STARD13: variants seen among roughly 807,000 people sequenced by gnomAD.
STARD13 encodes stAR-related lipid transfer protein 13.
STARD13 carries 62 observed loss-of-function variants against 106.4 expected under a neutral mutation model. The observed-to-expected ratio is 0.58, with a 90% CI of 0.48 to 0.72. The LOEUF is 0.72. STARD13 is among the 30% of genes least tolerant of loss of function. STARD13 has a pLI of 0.00. For synonymous variants in STARD13, 565 were observed against 553.0 expected (o/e 1.02, Z -0.31); for missense variants, 1,387 against 1,424.0 (o/e 0.97, Z 0.42).
At position 33,303,765 on chromosome 13, in the gene STARD13, T is replaced by G. The variant is rs114792683; in HGVS notation, c.124+46525A>C. 5.6e-3 allele frequency among the ~76,000 whole-genome samples: 851 copies of G among 152,278 alleles called. 9 individuals are homozygous for G. Among genetic ancestry groups the G allele is most frequent in the African/African-American group, 0.019 (772 of 41,556 alleles). Reference sequence around the variant, plus strand: ...AATGAAAAGCACTGTGCACACTCAGTGAGAAGGTCTTATAGACACCTTCTG... The same window carrying G: ...AATGAAAAGCACTGTGCACACTCAGGGAGAAGGTCTTATAGACACCTTCTG... On this transcript the variant is annotated intron_variant, in intron 1 of 5. Transcript: ENST00000567873.
the STARD13 span, among the ~76,000 whole-genome samples, chr13:33,464,049 G>GTATATATA: frequency 9.8e-6 from 1 of 102,414 alleles, no homozygotes; most frequent in Non-Finnish European, 2.4e-5. Flanking sequence ...ATATGTATAT[G>GTATATATA]TATATGTATA....
chr13:33,542,929 C>G, the STARD13 span, among the ~76,000 whole-genome samples: 1 of 152,232 alleles, frequency 6.6e-6, no homozygotes, highest in Non-Finnish European at 1.5e-5. Flanking sequence ...TTCTCCCGCC[C>G]TGGACGGGGA....
intron 1 of STARD13, among the ~76,000 whole-genome samples, chr13:33,340,198 C>T (rs1242226548): frequency 1.3e-5 from 2 of 152,078 alleles, no homozygotes; most frequent in Non-Finnish European, 2.9e-5. Context: ...ATATTTATTT[C>T]CAATGGAAAA....
intron 1 of STARD13, among the ~76,000 whole-genome samples, chr13:33,322,296 TCTTA>T (rs1893590372): frequency 6.6e-6 from 1 of 152,166 alleles, no homozygotes; most frequent in Non-Finnish European, 1.5e-5. Context: ...CAGCCCAAAG[TCTTA>T]CTAACATGAG....
At chr13:33,464,107 A>G in the STARD13 span, among the ~76,000 whole-genome samples, 1 of 150,864 alleles carries the variant, frequency 6.6e-6, no homozygotes, top group South Asian at 2.1e-4. Flanking sequence ...TGGTGACTGA[A>G]CTATATATTC....
intron 1 of STARD13, among the ~76,000 whole-genome samples, chr13:33,239,911 G>A (rs922466810): frequency 2.6e-5 from 4 of 152,092 alleles, no homozygotes; most frequent in African/African-American, 9.7e-5. Context: ...AGTCCCATTT[G>A]TCTATTTTTG....
At chr13:33,562,323 C>G in the STARD13 span, among the ~76,000 whole-genome samples, 6 of 146,744 alleles carry the variant, frequency 4.1e-5, no homozygotes, top group Non-Finnish European at 7.5e-5. Flanking sequence ...TCCAATCTGG[C>G]TGCCTACATC....
At chr13:33,478,198 C>G in the STARD13 span, among the ~76,000 whole-genome samples, 1 of 152,330 alleles carries the variant, frequency 6.6e-6, no homozygotes, top group South Asian at 2.1e-4. Context: ...AGCACCCAAT[C>G]AAGCCTTCTT....
the STARD13 span, among the ~76,000 whole-genome samples, chr13:33,632,561 G>A: frequency 1.3e-5 from 2 of 152,066 alleles, no homozygotes; most frequent in Non-Finnish European, 2.9e-5. Flanking sequence ...TCAGAAAATG[G>A]GTTGGAATCT....
chr13:33,519,744 A>C, the STARD13 span, among the ~76,000 whole-genome samples: 1 of 152,114 alleles, frequency 6.6e-6, no homozygotes, highest in African/African-American at 2.4e-5. Context: ...AACACAGAAA[A>C]TCAACAGTGG....
At chr13:33,168,465 T>A (rs550103056) in intron 1 of STARD13, among the ~76,000 whole-genome samples, 1 of 152,306 alleles carries the variant, frequency 6.6e-6, no homozygotes, top group South Asian at 2.1e-4. Context: ...TTTGACCTTG[T>A]GAATCCTGGA....
the STARD13 span, among the ~76,000 whole-genome samples, chr13:33,675,297 G>A: frequency 6.6e-6 from 1 of 152,294 alleles, no homozygotes; most frequent in Admixed American, 6.5e-5. Context: ...CCTAATCTGT[G>A]CGCAGCTAAT....
At chr13:33,609,075 G>T in the STARD13 span, among the ~76,000 whole-genome samples, 3 of 98,184 alleles carry the variant, frequency 3.1e-5, no homozygotes, top group East Asian at 7.5e-4. Flanking sequence ...GACAGAGCGA[G>T]ACTCCGTCTC....
chr13:33,161,895 G>A (rs538363030), intron 3 of STARD13, among the ~76,000 whole-genome samples: 12 of 152,132 alleles, frequency 7.9e-5, no homozygotes, highest in South Asian at 4.2e-4. Context: ...ATGCAAAAGC[G>A]GAAACCCCTG....
chr13:33,577,238 G>A, the STARD13 span, among the ~76,000 whole-genome samples: 287 of 152,142 alleles, frequency 1.9e-3, no homozygotes, highest in African/African-American at 6.4e-3. Context: ...ATGTTTTATC[G>A]TGTTGCTGAT....
chr13:33,420,300 C>CA, the STARD13 span, among the ~76,000 whole-genome samples: 3 of 152,142 alleles, frequency 2.0e-5, no homozygotes, highest in Non-Finnish European at 4.4e-5. Context: ...GCAGGTGTTG[C>CA]AATCCTAGTC....
the STARD13 span, among the ~76,000 whole-genome samples, chr13:33,429,683 G>A: frequency 6.6e-6 from 1 of 152,154 alleles, no homozygotes. Context: ...AACGTTCCAT[G>A]TTCTCACTTA....
the STARD13 span, among the ~76,000 whole-genome samples, chr13:33,445,264 A>C: frequency 0.01 from 1,567 of 152,302 alleles, 35 homozygotes; most frequent in African/African-American, 0.036. Flanking sequence ...CAGAGTAAAT[A>C]AATTCTTATG....
the STARD13 span, among the ~76,000 whole-genome samples, chr13:33,668,896 T>C: frequency 6.6e-6 from 1 of 152,216 alleles, no homozygotes. Flanking sequence ...AAAATTTTCA[T>C]TGAATGGTCC....
Sources: gnomAD v4.1 joint callset for allele counts (sites outside exome capture counted in the v4.1 genomes callset) on GRCh38, gnomAD v4.1.1 for gene constraint, MANE v1.5 for transcripts, NCBI Gene and HGNC (gene_info 2026-07-23, HGNC 2026-07-21) for gene names.